Variants in ST3GAL4 observed in about 807,000 individuals in gnomAD.
The protein encoded by ST3GAL4 is CMP-N-acetylneuraminate-beta-galactosamide-alpha-2,3-sialyltransferase 4.
ST3GAL4 carries 24 observed loss-of-function variants against 42.6 expected under a neutral mutation model. The observed-to-expected ratio is 0.56, with a 90% CI of 0.41 to 0.79. ST3GAL4 has a LOEUF of 0.79. Ranked by LOEUF, ST3GAL4 falls within the 30% of genes least tolerant of loss-of-function variation. The probability of loss-of-function intolerance (pLI) is 0.00; values close to 1 mark genes in which losing one functional copy is unlikely to be tolerated. For missense variants in ST3GAL4, 311 were observed against 430.8 expected, an observed-to-expected ratio of 0.72 and a Z score of 2.46; for synonymous variants, 135 against 163.2, an observed-to-expected ratio of 0.83 and a Z score of 1.32.
chr11:126,414,462 G>A lies in ST3GAL4; in HGVS notation c.*415G>A, dbSNP rs1266812013. The A allele has an allele frequency of 5.1e-6, 1 of 197,046 alleles. No individual in the cohort carries two copies. The highest frequency in any genetic ancestry group is 1.3e-4 in the East Asian group (1 of 7,864). The allele number at this position is 197,046 out of a possible 1,614,324, so 12.2% of individuals were successfully genotyped here. A position where few individuals can be genotyped will look rare whatever the true frequency, so the allele number is the denominator to read the frequency against. ...ATGGCCCCACCAAGGCCTAGACACGGCACTGGCCTCCCAGGAGGGCAGGGG... is the reference window on the plus strand; with the variant it reads ...ATGGCCCCACCAAGGCCTAGACACGACACTGGCCTCCCAGGAGGGCAGGGG... On this transcript the variant is annotated 3_prime_UTR_variant, in exon 11 of 11. Coordinates refer to ENST00000444328, the MANE Select transcript of ST3GAL4 (RefSeq NM_001254757.2).
At chr11:126,405,746 C>T (rs1367387288) in intron 1 of ST3GAL4, 1 of 279,022 alleles carries the variant, frequency 3.6e-6, no homozygotes, top group Non-Finnish European at 6.9e-6. Flanking sequence ...GGGTAGCTGT[C>T]TGCCTCCTGG....
intron 1 of ST3GAL4, among the ~76,000 whole-genome samples, chr11:126,362,280 C>T (rs937694412): frequency 2.0e-5 from 3 of 151,008 alleles, no homozygotes; most frequent in African/African-American, 7.3e-5. Flanking sequence ...TCACTGCAAC[C>T]TCTGCCTCCC....
intron 1 of ST3GAL4, among the ~76,000 whole-genome samples, chr11:126,368,992 C>T (rs1456102363): frequency 6.6e-6 from 1 of 152,102 alleles, no homozygotes; most frequent in Non-Finnish European, 1.5e-5. Flanking sequence ...AGGGCTGGAG[C>T]CCAGCCTCAC....
chr11:126,377,661 T>C (rs1266025756), intron 1 of ST3GAL4, among the ~76,000 whole-genome samples: 2 of 151,290 alleles, frequency 1.3e-5, no homozygotes, highest in Non-Finnish European at 2.9e-5. Context: ...ATTTTGTATT[T>C]TTAGTAGAGA....
At chr11:126,371,589 C>T (rs970022433) in intron 1 of ST3GAL4, among the ~76,000 whole-genome samples, 1 of 152,206 alleles carries the variant, frequency 6.6e-6, no homozygotes, top group Non-Finnish European at 1.5e-5. Context: ...TCACATTGAT[C>T]CCAGTTGACC....
chr11:126,372,985 C>T (rs1952712568), intron 1 of ST3GAL4, among the ~76,000 whole-genome samples: 1 of 152,210 alleles, frequency 6.6e-6, no homozygotes, highest in South Asian at 2.1e-4. Context: ...CTCTTGTTTT[C>T]TCTTTGCTTC....
At chr11:126,369,054 C>T (rs1429334460) in intron 1 of ST3GAL4, among the ~76,000 whole-genome samples, 4 of 152,114 alleles carry the variant, frequency 2.6e-5, no homozygotes, top group African/African-American at 9.7e-5. Context: ...GTGGCTGGTG[C>T]TCTGCCACCT....
rs941407888 is a variant in ST3GAL4 at position 126,406,782 on chromosome 11, C to T, written c.102-161C>T. ...CCAGGGAGTGCAGGGGCAGGAAGAC[C>T]TGGATCCTCAAGGACTTGGGTTCCA... On this transcript the variant is annotated intron_variant, in intron 3 of 10. Coordinates refer to ENST00000444328, the MANE Select transcript of ST3GAL4 (RefSeq NM_001254757.2). This position sits in a 1 kb window ranked among gnomAD's most constrained non-coding sequence, Gnocchi z 5.4. The T allele has an allele frequency of 2.1e-6, 2 of 935,238 alleles. No homozygotes were observed. Among genetic ancestry groups the T allele is most frequent in the Non-Finnish European group, 3.2e-6 (2 of 615,852 alleles). The allele number at this position is 935,238 out of a possible 1,614,324, so 57.9% of individuals were successfully genotyped here.
chr11:126,401,031 G>T (rs1953968969), intron 1 of ST3GAL4, among the ~76,000 whole-genome samples: 1 of 152,082 alleles, frequency 6.6e-6, no homozygotes, highest in Admixed American at 6.6e-5. Context: ...TAATATGGGG[G>T]TTGGGAGTGA....
rs558466796 is a variant in ST3GAL4, at chr11:126,392,160, G to A, written c.-60-13936G>A. 45 of 212,394 alleles carry A rather than the reference G, an allele frequency of 2.1e-4. No individual in the cohort carries two copies. The highest frequency in any genetic ancestry group is 9.9e-4 in the African/African-American group (42 of 42,636). The allele number at this position is 212,394 out of a possible 1,614,324, so 13.2% of individuals were successfully genotyped here. A position where few individuals can be genotyped will look rare whatever the true frequency, so the allele number is the denominator to read the frequency against. ...CCCTTTTCACTGGCTCCTCCTGGAG[G>A]CCACATGTACCTTGCGCTTCCTGGG... On this transcript the variant is annotated intron_variant, in intron 1 of 10. Coordinates refer to ENST00000444328, the MANE Select transcript of ST3GAL4 (RefSeq NM_001254757.2). This position sits in a 1 kb window ranked among gnomAD's most constrained non-coding sequence, Gnocchi z 5.8.
At chr11:126,413,007 C>T (rs1371219666) in intron 9 of ST3GAL4, among the ~76,000 whole-genome samples, 2 of 152,364 alleles carry the variant, frequency 1.3e-5, no homozygotes, top group East Asian at 3.9e-4. Flanking sequence ...AGTCTTATCT[C>T]TACAGGCCCC....
intron 1 of ST3GAL4, among the ~76,000 whole-genome samples, chr11:126,370,880 C>A (rs2135406487): frequency 6.6e-6 from 1 of 152,148 alleles, no homozygotes; most frequent in South Asian, 2.1e-4. Context: ...TTTGGTCAGG[C>A]AGGTCTCGAG....
In ST3GAL4 at chr11:126,410,100, T is replaced by C. The variant is rs754318959; in HGVS notation, c.771+689T>C. Among the ~76,000 whole-genome samples the C allele has an allele frequency of 3.2e-4, 48 of 152,196 alleles. No homozygotes were observed. The highest frequency in any genetic ancestry group is 8.5e-4 in the Admixed American group (13 of 15,284). On this transcript the variant is annotated intron_variant, in intron 9 of 10. Transcript: ENST00000444328. The surrounding 1 kb of genome is among the most constrained non-coding windows in gnomAD (Gnocchi z 5.3). ...TTAAATTTTTTTGTAGAGATGGGGG[T>C]CTCACTGTGTTGCCCAGGCTGGTCC...
At chr11:126,387,507 A>G (rs1268698083) in intron 1 of ST3GAL4, among the ~76,000 whole-genome samples, 2 of 151,986 alleles carry the variant, frequency 1.3e-5, no homozygotes, top group African/African-American at 4.8e-5. Context: ...GTGAGACCCC[A>G]TCTCTCCAAC....
In ST3GAL4 at chr11:126,384,021, C is replaced by T. The variant is rs942143344; in HGVS notation, c.-60-22075C>T. Reference sequence around the variant, plus strand: ...GTCCTCGTCTGGGGGCCCTGCCCCACTCTCCCTTCCCAATGCAGGGCCCTC... The same window carrying T: ...GTCCTCGTCTGGGGGCCCTGCCCCATTCTCCCTTCCCAATGCAGGGCCCTC... On this transcript the variant is annotated intron_variant, in intron 1 of 10. Coordinates refer to ENST00000444328, the MANE Select transcript of ST3GAL4 (RefSeq NM_001254757.2). The surrounding 1 kb of genome is among the most constrained non-coding windows in gnomAD (Gnocchi z 5.5). 6.6e-6 allele frequency among the ~76,000 whole-genome samples: 1 copy of T among 152,206 alleles called. No homozygotes were observed. Among genetic ancestry groups the T allele is most frequent in the Non-Finnish European group, 1.5e-5 (1 of 68,026 alleles).
chr11:126,402,505 T>A (rs1409988306), intron 1 of ST3GAL4, among the ~76,000 whole-genome samples: 2 of 148,074 alleles, frequency 1.4e-5, no homozygotes, highest in Admixed American at 1.3e-4. Context: ...TAAGAGTAAG[T>A]GGTCGCTTGT....
At chr11:126,412,446 G>A (rs763322922) in intron 9 of ST3GAL4, among the ~76,000 whole-genome samples, 20 of 152,354 alleles carry the variant, frequency 1.3e-4, no homozygotes, top group Middle Eastern at 6.8e-3. Flanking sequence ...GGCTGGAGAA[G>A]TGAGAATATC....
rs149312141 is a variant in ST3GAL4, at chr11:126,359,331, G to A, written c.-61+3489G>A. ...AAAAAAGATGTGCTAGACACTTTAC[G>A]TCCCTTCATGTGAGCTTCACACAAC... On this transcript the variant is annotated intron_variant, in intron 1 of 10. Transcript: ENST00000444328. The surrounding 1 kb of genome is among the most constrained non-coding windows in gnomAD (Gnocchi z 4.8). 2.8e-3 allele frequency among the ~76,000 whole-genome samples: 422 copies of A among 151,840 alleles called. 2 individuals are homozygous for A. The highest frequency in any genetic ancestry group is 0.01 in the Middle Eastern group (3 of 290).
intron 1 of ST3GAL4, among the ~76,000 whole-genome samples, chr11:126,387,088 C>T (rs1266578789): frequency 6.6e-6 from 1 of 152,178 alleles, no homozygotes; most frequent in African/African-American, 2.4e-5. Context: ...CAAGTAGGGC[C>T]AGTCAGCGAG....
Sources: gnomAD v4.1 joint callset for allele counts (sites outside exome capture counted in the v4.1 genomes callset) on GRCh38, gnomAD v4.1.1 for gene constraint, Gnocchi (gnomAD v3.1) non-coding constraint, MANE v1.5 for transcripts, NCBI Gene and HGNC (gene_info 2026-07-23, HGNC 2026-07-21) for gene names.